The following CPT1C variants were observed in gnomAD, a reference collection of about 807,000 sequenced individuals.
CPT1C encodes the protein palmitoyl thioesterase CPT1C.
CPT1C carries 61 observed loss-of-function variants against 97.3 expected under a neutral mutation model. The observed-to-expected ratio is 0.63, with a 90% CI of 0.51 to 0.78. The LOEUF (loss-of-function observed/expected upper bound fraction) is 0.78. Among genes scored for constraint, CPT1C ranks in the 30% least tolerant of loss-of-function variants. The probability of loss-of-function intolerance (pLI) is 0.00; values close to 1 mark genes in which losing one functional copy is unlikely to be tolerated. For synonymous variants in CPT1C, 469 were observed against 447.2 expected (o/e 1.05, Z -0.61); for missense variants, 975 against 1,065.5 (o/e 0.92, Z 1.18).
At chr19:49,709,024 C>G in intron 14 of CPT1C, among the ~76,000 whole-genome samples, 185 bp downstream of exon 14, 1 of 151,546 alleles carries the variant, frequency 6.6e-6, no homozygotes, top group East Asian at 1.9e-4. Flanking sequence ...CAACACGAAC[C>G]TCATCTCCAG....
chr19:49,707,408 A>G (rs576548326), intron 12 of CPT1C, 110 bp from the exon 13 acceptor site: 36 of 769,582 alleles, frequency 4.7e-5, no homozygotes, highest in East Asian at 7.9e-5. Context: ...CAGCACCCCA[A>G]TGGATTCCCA....
rs150950158 is a variant in CPT1C at position 49,704,296 on chromosome 19, C to T, written c.694-414C>T. ...AAGCGATTCTCCTGCCTCAGGCTAC[C>T]GAGTAGCCGGGATTACAGGCGTGCA... On this transcript the variant is annotated intron_variant, in intron 7 of 19. Coordinates refer to ENST00000598293, the MANE Select transcript of CPT1C (RefSeq NM_001199753.2). Among the ~76,000 whole-genome samples, 517 of 152,232 alleles carry T rather than the reference C, an allele frequency of 3.4e-3. 2 individuals are homozygous for T. The highest frequency in any genetic ancestry group is 6.3e-3 in the Non-Finnish European group (431 of 68,004).
intron 13 of CPT1C, among the ~76,000 whole-genome samples, chr19:49,708,200 C>T (rs2083626060): frequency 6.6e-6 from 1 of 151,732 alleles, no homozygotes. Context: ...GAAGATGACT[C>T]CAGGCTGGGT....
At chr19:49,712,384 C>A (rs1170092419) in intron 17 of CPT1C, 2 of 331,372 alleles carry the variant, frequency 6.0e-6, no homozygotes, top group Non-Finnish European at 1.1e-5. Context: ...AGAAAGGATG[C>A]GTCAGCAGAG....
At chr19:49,707,726 G>A in intron 13 of CPT1C, 103 bp downstream of exon 13, 3 of 714,250 alleles carry the variant, frequency 4.2e-6, no homozygotes, top group Non-Finnish European at 6.8e-6. Context: ...GGCTTGGCCG[G>A]GCACGGTGGT....
At chr19:49,696,753 C>A (rs2123173162) in intron 3 of CPT1C, among the ~76,000 whole-genome samples, 1 of 152,018 alleles carries the variant, frequency 6.6e-6, no homozygotes, top group East Asian at 1.9e-4. Context: ...GTGCCTCAGT[C>A]TCCCAAGTAG....
chr19:49,713,148 C>T, intron 19 of CPT1C, 84 bp downstream of exon 19: 1 of 1,216,922 alleles, frequency 8.2e-7, no homozygotes, highest in Non-Finnish European at 1.2e-6. Context: ...CCCTCAGACC[C>T]AGGATTCCAG....
chr19:49,711,014 G>T (rs536716160), intron 16 of CPT1C, 157 bp downstream of exon 16: 5 of 691,058 alleles, frequency 7.2e-6, no homozygotes, highest in African/African-American at 1.8e-5. Flanking sequence ...GCTCACTGAT[G>T]GGGGGAGACA....
At chr19:49,694,287 G>A (rs185703811) in intron 3 of CPT1C, among the ~76,000 whole-genome samples, 1 of 152,118 alleles carries the variant, frequency 6.6e-6, no homozygotes, top group African/African-American at 2.4e-5. Flanking sequence ...ATGCTATGGT[G>A]AATGATAAAT....
chr19:49,712,283 G>A (rs2083934440), intron 17 of CPT1C: 1 of 344,488 alleles, frequency 2.9e-6, no homozygotes, highest in South Asian at 3.2e-5. Context: ...GGCGGAGGCT[G>A]TAGTGAGCTG....
intron 3 of CPT1C, among the ~76,000 whole-genome samples, chr19:49,696,844 C>A (rs1722424249): frequency 6.6e-6 from 1 of 151,818 alleles, no homozygotes; most frequent in African/African-American, 2.4e-5. Flanking sequence ...GTTGGCCAGG[C>A]CAGTCTTGAA....
In CPT1C at chr19:49,692,274, G is replaced by T; in HGVS notation, c.22G>T (p.Val8Leu). ...TGACATGGCTGAAGCGCACCAGGCC[G>T]TGGGCTTCCGACCCTCGCTGACCTC... Reference protein sequence around the residue: MAEAHQAVGFRPSLTSDG... With the variant: MAEAHQALGFRPSLTSDG... The change falls in exon 3 of 20, where the codon GTG (valine) becomes TTG (leucine). Residue 8 changes from valine to leucine, a missense_variant. Val to Leu is a conservative substitution (Grantham distance 32, BLOSUM62 1). Transcript: ENST00000598293. The T allele has an allele frequency of 6.2e-7, 1 of 1,613,994 alleles. No individual in the cohort carries two copies. Among genetic ancestry groups the T allele is most frequent in the Middle Eastern group, 1.7e-4 (1 of 6,048 alleles).
chr19:49,694,827 A>C (rs1225764145), intron 3 of CPT1C, among the ~76,000 whole-genome samples: 1 of 151,936 alleles, frequency 6.6e-6, no homozygotes, highest in Non-Finnish European at 1.5e-5. Context: ...AGGCCAGTCT[A>C]CCAACTAAAG....
intron 4 of CPT1C, among the ~76,000 whole-genome samples, chr19:49,699,311 G>C (rs577399361): frequency 6.6e-6 from 1 of 151,370 alleles, no homozygotes; most frequent in Non-Finnish European, 1.5e-5. Context: ...CCAAAGAACA[G>C]ACCCAGGATC....
chr19:49,698,270 GGTGGA>G (rs748102262), intron 4 of CPT1C, among the ~76,000 whole-genome samples: 7 of 151,938 alleles, frequency 4.6e-5, no homozygotes, highest in Non-Finnish European at 1.0e-4. Context: ...AGGAGGCTGA[GGTGGA>G]GATCACCTGA....
chr19:49,701,874 A>G (rs1312608278), intron 7 of CPT1C, among the ~76,000 whole-genome samples: 1 of 112,182 alleles, frequency 8.9e-6, no homozygotes, highest in Non-Finnish European at 1.8e-5. Flanking sequence ...TATAGTGTAT[A>G]TATAAATATA....
intron 10 of CPT1C, 119 bp downstream of exon 10, chr19:49,705,417 G>C (rs1049987970): frequency 1.2e-5 from 10 of 822,498 alleles, no homozygotes; most frequent in Middle Eastern, 2.7e-4. Flanking sequence ...GTGACCTTCT[G>C]CACGTTATTA....
chr19:49,697,663 G>A, intron 4 of CPT1C, 198 bp downstream of exon 4: 2 of 554,454 alleles, frequency 3.6e-6, no homozygotes, highest in Admixed American at 3.6e-5. Context: ...CCAGCACATT[G>A]GGCATTGGGA....
rs772819135 is a variant in CPT1C at position 49,712,845 on chromosome 19, G to T, written c.2129G>T (p.Gly710Val). The change falls in exon 18 of 20, where the codon GGG (glycine) becomes GTG (valine). Residue 710 changes from glycine to valine, a missense_variant. By Grantham distance (109) the Gly-to-Val change is moderately radical (BLOSUM62 -3). Transcript: ENST00000598293. ...TATGTTTCCTCAGGCGGTGGATTCG[G>T]GCCTGTGAGTGGAGCTGGGCGCGCT... is the stretch of plus-strand genomic sequence containing the variant. ...PDYVSSGGGFGPADDHGYGVS... is the reference protein window; with the variant it reads ...PDYVSSGGGFVPADDHGYGVS... 4.6e-6 allele frequency: 7 copies of T among 1,529,974 alleles called. No individual in the cohort carries two copies. In the Admixed American group the frequency reaches 6.0e-5, roughly 13 times the overall value. The allele number at this position is 1,529,974 out of a possible 1,614,324, so 94.8% of individuals were successfully genotyped here. A position where few individuals can be genotyped will look rare whatever the true frequency, so the allele number is the denominator to read the frequency against.
Sources: gnomAD v4.1 joint callset for allele counts (sites outside exome capture counted in the v4.1 genomes callset) on GRCh38, gnomAD v4.1.1 for gene constraint, MANE v1.5 for transcripts, NCBI Gene and HGNC (gene_info 2026-07-23, HGNC 2026-07-21) for gene names.